FEM1C: variants seen among roughly 807,000 people sequenced by gnomAD.
FEM1C encodes protein fem-1 homolog C.
In FEM1C, 15 loss-of-function variants were observed where a neutral mutation model predicts 37.6. That is an observed-to-expected ratio of 0.40 (90% CI 0.27 to 0.61). FEM1C has a LOEUF of 0.61. FEM1C is among the 20% of genes least tolerant of loss of function. The pLI is 0.42. For missense variants in FEM1C, 532 were observed against 749.7 expected (o/e 0.71, Z 3.39); for synonymous variants, 287 against 272.8 (o/e 1.05, Z -0.51).
chr5:115,542,834 C>T (rs1754268814), intron 2 of FEM1C, 116 bp downstream of exon 2: 6 of 1,241,096 alleles, frequency 4.8e-6, no homozygotes, highest in African/African-American at 1.5e-5. Flanking sequence ...GAAGACTTAC[C>T]TAATCAAAAC....
At position 115,525,432 on chromosome 5, in the gene FEM1C, G is replaced by T. The variant is rs375159711; in HGVS notation, c.730C>A (p.Arg244Ser). 2 of 1,613,502 alleles carry T rather than the reference G, an allele frequency of 1.2e-6. No homozygotes were observed. The highest frequency in any genetic ancestry group is 4.5e-5 in the East Asian group (2 of 44,862). Residue 244 changes from arginine (R) to serine (S), a missense_variant, in exon 3 of 3, where the codon CGT (arginine) becomes AGT (serine). Around this residue, in one of 3 missense-constraint regions of FEM1C, gnomAD observed 221 missense variants for 404.1 expected, o/e 0.55. Coordinates refer to ENST00000274457, the MANE Select transcript of FEM1C (RefSeq NM_020177.3). Reference protein sequence around the residue: ...THHAQTSKTERINALELLGAT... With the variant: ...THHAQTSKTESINALELLGAT... ...CCCAGAAGCTCTAGAGCATTAATAC[G>T]TTCTGTCTTGCTGGTCTGTGCATGG...
intron 2 of FEM1C, among the ~76,000 whole-genome samples, chr5:115,542,295 C>T (rs1754259040): frequency 6.6e-6 from 1 of 152,140 alleles, no homozygotes; most frequent in Non-Finnish European, 1.5e-5. Flanking sequence ...TCTGTTTAAT[C>T]TAGTCCTTGT....
chr5:115,530,310 TATA>T (rs1561557735), intron 2 of FEM1C, among the ~76,000 whole-genome samples: 1 of 152,080 alleles, frequency 6.6e-6, no homozygotes, highest in African/African-American at 2.4e-5. Context: ...GGAAATATTT[TATA>T]ATGTTAAAAA....
At chr5:115,541,715 C>T (rs1754245168) in intron 2 of FEM1C, among the ~76,000 whole-genome samples, 1 of 152,010 alleles carries the variant, frequency 6.6e-6, no homozygotes, top group African/African-American at 2.4e-5. Flanking sequence ...ACTGTATAGC[C>T]ACAAAACAGA....
At chr5:115,532,617 T>C (rs939965927) in intron 2 of FEM1C, among the ~76,000 whole-genome samples, 1 of 152,100 alleles carries the variant, frequency 6.6e-6, no homozygotes, top group Non-Finnish European at 1.5e-5. Flanking sequence ...TAGTATGCTT[T>C]GACAAAGTTA....
At chr5:115,535,003 G>C (rs1490251075) in intron 2 of FEM1C, among the ~76,000 whole-genome samples, 2 of 151,850 alleles carry the variant, frequency 1.3e-5, no homozygotes, top group Non-Finnish European at 2.9e-5. Context: ...TCACAGCCCT[G>C]TTTTACACCA....
At chr5:115,532,319 T>C (rs1004890512) in intron 2 of FEM1C, among the ~76,000 whole-genome samples, 15 of 152,242 alleles carry the variant, frequency 9.9e-5, no homozygotes, top group East Asian at 1.9e-4. Flanking sequence ...AAAGCTAAGG[T>C]AGATTCTAAA....
In FEM1C at chr5:115,543,398, G is replaced by A. The variant is rs1332259529; in HGVS notation, c.96C>T (p.Ser32=). Reference sequence around the variant, plus strand: ...CATTTGTTTTTTCAGAGATCAAGGAGGAAACCTCCTCTTTGGATTTGCTTG... The same window carrying A: ...CATTTGTTTTTTCAGAGATCAAGGAAGAAACCTCCTCTTTGGATTTGCTTG... ...LLASKSKEEV[S]SLISEKTNGA... The change falls in exon 2 of 3, where the codon TCC becomes TCT. Residue 32 remains serine, a synonymous_variant. Coordinates refer to ENST00000274457, the MANE Select transcript of FEM1C (RefSeq NM_020177.3). 5 of 1,614,090 alleles carry A rather than the reference G, an allele frequency of 3.1e-6. No homozygotes were observed. In the Admixed American group the frequency reaches 8.3e-5, roughly 27 times the overall value.
In FEM1C at chr5:115,524,421, T is replaced by G. The variant is rs776191455; in HGVS notation, c.1741A>C (p.Ile581Leu). 23 of 1,613,438 alleles carry G rather than the reference T, an allele frequency of 1.4e-5. No individual in the cohort carries two copies. The Middle Eastern group carries it at 1.2e-3, about 81-fold the overall frequency. ...AGACACTGCAATGTGGTATGATTTA[T>G]AGGCTGGATTAAATTTTTAGCTATT... is the stretch of plus-strand genomic sequence containing the variant. The part of the protein sequence containing the change: ...KEIAKNLIQP[I>L]NHTTLQCLAA... The change falls in exon 3 of 3, where the codon ATA (isoleucine) becomes CTA (leucine). Residue 581 changes from isoleucine (I) to leucine (L), a missense_variant. Ile to Leu is a conservative substitution (Grantham distance 5). Transcript: ENST00000274457.
intron 2 of FEM1C, among the ~76,000 whole-genome samples, chr5:115,537,032 T>C (rs1457437981): frequency 6.6e-6 from 1 of 152,006 alleles, no homozygotes; most frequent in Non-Finnish European, 1.5e-5. Context: ...AACATTATAA[T>C]TCCCTGTCCT....
rs902387685 is a variant in FEM1C at position 115,521,638 on chromosome 5, C to T, written c.*2670G>A. 6.6e-6 allele frequency: 1 copy of T among 151,822 alleles called. No homozygotes were observed. The highest frequency in any genetic ancestry group is 1.5e-5 in the Non-Finnish European group (1 of 67,828). 9.4% of individuals were successfully genotyped at this position (151,822 alleles called of 1,614,324 possible). ...GGCATTTTCATAGAAATGTTAATAACTTACACATTAACTCCAGTCAATAAC... is the reference window on the plus strand; with the variant it reads ...GGCATTTTCATAGAAATGTTAATAATTTACACATTAACTCCAGTCAATAAC... On this transcript the variant is annotated 3_prime_UTR_variant, in exon 3 of 3. Transcript: ENST00000274457.
rs778572835 is a variant in FEM1C, at chr5:115,525,669, T to C, written c.545-52A>G. The C allele has an allele frequency of 1.8e-5, 24 of 1,337,450 alleles. No individual in the cohort carries two copies. The Middle Eastern group carries it at 5.8e-4, about 32-fold the overall frequency. 82.8% of individuals were successfully genotyped at this position (1,337,450 alleles called of 1,614,324 possible). A position where few individuals can be genotyped will look rare whatever the true frequency, so the allele number is the denominator to read the frequency against. On this transcript the variant is annotated intron_variant, in intron 2 of 2. Coordinates refer to ENST00000274457, the MANE Select transcript of FEM1C (RefSeq NM_020177.3). ...TAACATACATTGAGGGACCAAAATA[T>C]AATGTAATATATATATGCACTTTAG...
At chr5:115,527,016 A>G (rs1027590579) in intron 2 of FEM1C, among the ~76,000 whole-genome samples, 5 of 152,170 alleles carry the variant, frequency 3.3e-5, no homozygotes, top group Middle Eastern at 3.4e-3. Flanking sequence ...AACATGACAC[A>G]TATGTATTTA....
At chr5:115,532,272 A>G (rs920931933) in intron 2 of FEM1C, among the ~76,000 whole-genome samples, 5 of 152,238 alleles carry the variant, frequency 3.3e-5, no homozygotes, top group Admixed American at 1.3e-4. Context: ...TACAGATCCT[A>G]TATTTCTTAT....
intron 1 of FEM1C, 25 bp from the exon 2 acceptor site, chr5:115,543,708 A>T: frequency 1.5e-6 from 2 of 1,348,656 alleles, no homozygotes; most frequent in Non-Finnish European, 9.5e-7. Flanking sequence ...AAAAAGTAGC[A>T]GCATTTAATT....
At position 115,522,945 on chromosome 5, in the gene FEM1C, G is replaced by C. The variant is rs1223050416; in HGVS notation, c.*1363C>G. The C allele has an allele frequency of 2.0e-5, 3 of 149,608 alleles. No individual in the cohort carries two copies. Among genetic ancestry groups the C allele is most frequent in the East Asian group, 1.9e-4 (1 of 5,152 alleles). The allele number at this position is 149,608 out of a possible 1,614,324, so 9.3% of individuals were successfully genotyped here. On this transcript the variant is annotated 3_prime_UTR_variant, in exon 3 of 3. Transcript: ENST00000274457. ...AGCAAATCTGTGAGTGAGTGAGTGA[G>C]AGAGAGAGAGAGAGAGAAAGAGAAA...
chr5:115,528,554 A>G (rs553718926), intron 2 of FEM1C, among the ~76,000 whole-genome samples: 6 of 152,306 alleles, frequency 3.9e-5, no homozygotes, highest in South Asian at 4.1e-4. Context: ...ATTTAAGATC[A>G]TCTCATTATT....
chr5:115,522,483 A>C lies in FEM1C; in HGVS notation c.*1825T>G, dbSNP rs1753796339. On this transcript the variant is annotated 3_prime_UTR_variant, in exon 3 of 3. Transcript: ENST00000274457. ...TTTACCTTTTCTTAATGGTGAAATC[A>C]AATTTACAACCTAGCAAATGAGTAA... is the stretch of plus-strand genomic sequence containing the variant. The C allele has an allele frequency of 6.6e-6, 1 of 152,008 alleles. No individual in the cohort carries two copies. The highest frequency in any genetic ancestry group is 6.6e-5 in the Admixed American group (1 of 15,210). The allele number at this position is 152,008 out of a possible 1,614,324, so 9.4% of individuals were successfully genotyped here.
intron 2 of FEM1C, among the ~76,000 whole-genome samples, chr5:115,527,561 A>G (rs766944261): frequency 6.6e-6 from 1 of 152,178 alleles, no homozygotes; most frequent in Non-Finnish European, 1.5e-5. Context: ...TACACCAAGT[A>G]TATTTTAAAC....
Sources: allele counts gnomAD v4.1 joint callset (sites outside exome capture counted in the v4.1 genomes callset), GRCh38; gene constraint gnomAD v4.1.1; regional missense constraint gnomAD v4.1.1; transcripts MANE v1.5; gene names NCBI Gene and HGNC (gene_info 2026-07-23, HGNC 2026-07-21).